The following EPHA6 variants were observed in gnomAD, a reference collection of about 807,000 sequenced individuals.
The protein encoded by EPHA6 is EPH receptor A6.
EPHA6 carries 50 observed loss-of-function variants against 112.0 expected under a neutral mutation model. That is an observed-to-expected ratio of 0.45 (90% confidence interval 0.36 to 0.56). The LOEUF is 0.56. Among genes scored for constraint, EPHA6 ranks in the 20% least tolerant of loss-of-function variants. EPHA6 has a pLI of 0.00. For missense variants in EPHA6, 1,280 were observed against 1,417.4 expected, an observed-to-expected ratio of 0.90 and a Z score of 1.56; for synonymous variants, 529 against 490.7, an observed-to-expected ratio of 1.08 and a Z score of -1.03.
intron 3 of EPHA6, among the ~76,000 whole-genome samples, chr3:97,049,836 G>C (rs574133657): frequency 1.3e-5 from 2 of 152,220 alleles, no homozygotes; most frequent in African/African-American, 4.8e-5. Context: ...ACTCACCCTT[G>C]AGGGGAGATA....
At chr3:97,312,954 A>C (rs1296549406) in intron 5 of EPHA6, among the ~76,000 whole-genome samples, 1 of 151,512 alleles carries the variant, frequency 6.6e-6, no homozygotes, top group Non-Finnish European at 1.5e-5. Context: ...CAATGTTTAC[A>C]TATACATTAT....
At chr3:96,926,130 A>G (rs994434249) in intron 2 of EPHA6, among the ~76,000 whole-genome samples, 1 of 152,178 alleles carries the variant, frequency 6.6e-6, no homozygotes, top group Non-Finnish European at 1.5e-5. Context: ...AGGCCTCAGG[A>G]AACTTATAGT....
At chr3:96,994,726 TATATATAGAGAGAGAGAG>T (rs1389466528) in intron 3 of EPHA6, among the ~76,000 whole-genome samples, 1 of 78,292 alleles carries the variant, frequency 1.3e-5, no homozygotes, top group Non-Finnish European at 2.4e-5. Flanking sequence ...TATATATATA[TATATATAGAGAGAGAGAG>T]AGAGAGAGAG....
At chr3:96,954,773 CTTTTTTTTTTTTTTTTT>C (rs10612575) in intron 2 of EPHA6, among the ~76,000 whole-genome samples, 10 of 72,690 alleles carry the variant, frequency 1.4e-4, no homozygotes, top group Non-Finnish European at 2.0e-4. Flanking sequence ...ACTGGTGTGC[CTTTTTTTTTTTTTTTTT>C]TTTTTTTTTT....
chr3:96,943,647 C>A (rs1382050559), intron 2 of EPHA6, among the ~76,000 whole-genome samples: 2 of 152,108 alleles, frequency 1.3e-5, no homozygotes, highest in African/African-American at 2.4e-5. Context: ...CTTATTCAAA[C>A]ATAAAGTAAA....
At chr3:97,259,328 T>A (rs1356994928) in intron 5 of EPHA6, among the ~76,000 whole-genome samples, 2 of 152,164 alleles carry the variant, frequency 1.3e-5, no homozygotes, top group African/African-American at 4.8e-5. Flanking sequence ...TTCCACTCTC[T>A]GTCACTTTCA....
intron 5 of EPHA6, among the ~76,000 whole-genome samples, chr3:97,273,710 T>C (rs1181777148): frequency 2.0e-5 from 3 of 152,274 alleles, no homozygotes; most frequent in Non-Finnish European, 2.9e-5. Context: ...ACCAAGAGCC[T>C]GAAAAACTGC....
chr3:97,668,566 A>G (rs1483412662), intron 14 of EPHA6, among the ~76,000 whole-genome samples: 2 of 152,126 alleles, frequency 1.3e-5, no homozygotes, highest in African/African-American at 4.8e-5. Flanking sequence ...TGTCTTGAAT[A>G]CCACTAATTC....
At chr3:97,081,561 T>A (rs932944443) in intron 3 of EPHA6, among the ~76,000 whole-genome samples, 25 of 151,854 alleles carry the variant, frequency 1.6e-4, no homozygotes, top group Non-Finnish European at 2.2e-4. Context: ...ACTGACACAC[T>A]TATACAGTTC....
chr3:97,008,816 T>A (rs1209019734), intron 3 of EPHA6, among the ~76,000 whole-genome samples: 3 of 152,018 alleles, frequency 2.0e-5, no homozygotes, highest in African/African-American at 7.2e-5. Context: ...GTTGTTGTTG[T>A]TGATGATGAT....
At chr3:97,027,167 C>A (rs2044668825) in intron 3 of EPHA6, among the ~76,000 whole-genome samples, 1 of 152,092 alleles carries the variant, frequency 6.6e-6, no homozygotes, top group Admixed American at 6.6e-5. Context: ...AGGCCATTAT[C>A]CTTAGCAAAC....
chr3:97,371,805 G>A (rs1299463358), intron 5 of EPHA6, among the ~76,000 whole-genome samples: 1 of 152,088 alleles, frequency 6.6e-6, no homozygotes, highest in African/African-American at 2.4e-5. Flanking sequence ...ATGCCTAGGG[G>A]TAGGCCTCTA....
intron 3 of EPHA6, among the ~76,000 whole-genome samples, chr3:97,186,212 TA>T (rs10707202): frequency 0.23 from 35,539 of 151,402 alleles, 10,808 homozygotes; most frequent in African/African-American, 0.69. Flanking sequence ...TAAAGTATAA[TA>T]AAAAAAAATG....
At chr3:97,720,468 G>A (rs2034475923) in intron 15 of EPHA6, 58 bp downstream of exon 15, 2 of 1,457,384 alleles carry the variant, frequency 1.4e-6, no homozygotes, top group Middle Eastern at 1.8e-4. Context: ...TTAGCTTGAG[G>A]GGGAATTATG....
At chr3:96,903,277 CA>C (rs1338356140) in intron 2 of EPHA6, among the ~76,000 whole-genome samples, 1 of 152,078 alleles carries the variant, frequency 6.6e-6, no homozygotes, top group Non-Finnish European at 1.5e-5. Flanking sequence ...TGCAGAGGGG[CA>C]AAGGCAAGAG....
At chr3:96,901,436 C>T (rs2038605995) in intron 2 of EPHA6, among the ~76,000 whole-genome samples, 1 of 151,400 alleles carries the variant, frequency 6.6e-6, no homozygotes, top group South Asian at 2.1e-4. Flanking sequence ...TTATTGGATT[C>T]AGGACTGGAT....
At position 97,757,828 on chromosome 3, in the gene EPHA6, G is replaced by A. The variant is rs2036062851; in HGVS notation, c.*9127G>A. On this transcript the variant is annotated 3_prime_UTR_variant, in exon 18 of 18. Transcript: ENST00000389672. Reference sequence around the variant, plus strand: ...GTTGTTTTAAGTATTTTAAAAAAGAGCCATTGTATTTTTTATATTTCCATT... The same window carrying A: ...GTTGTTTTAAGTATTTTAAAAAAGAACCATTGTATTTTTTATATTTCCATT... Among the ~76,000 whole-genome samples the A allele has an allele frequency of 6.6e-6, 1 of 151,778 alleles. No individual in the cohort carries two copies. The highest frequency in any genetic ancestry group is 2.1e-4 in the South Asian group (1 of 4,830).
At chr3:97,082,534 T>C (rs951578569) in intron 3 of EPHA6, among the ~76,000 whole-genome samples, 11 of 151,946 alleles carry the variant, frequency 7.2e-5, no homozygotes, top group African/African-American at 2.7e-4. Flanking sequence ...CCATATTATG[T>C]GTTCTCTGGA....
chr3:97,001,287 A>G (rs2043654221), intron 3 of EPHA6, among the ~76,000 whole-genome samples: 1 of 151,876 alleles, frequency 6.6e-6, no homozygotes, highest in Non-Finnish European at 1.5e-5. Context: ...TTTTACATAA[A>G]TACATTCAAA....
Sources: allele counts gnomAD v4.1 joint callset (sites outside exome capture counted in the v4.1 genomes callset), GRCh38; gene constraint gnomAD v4.1.1; transcripts MANE v1.5; gene names NCBI Gene and HGNC (gene_info 2026-07-23, HGNC 2026-07-21).